The following CADPS2 variants were observed in gnomAD, a reference collection of about 807,000 sequenced individuals.
The protein encoded by CADPS2 is calcium-dependent secretion activator 2.
In CADPS2, 93 loss-of-function variants were observed where a neutral mutation model predicts 172.5. The ratio of observed to expected loss-of-function variants is 0.54; its 90% confidence interval spans 0.46 to 0.64. CADPS2 has a LOEUF of 0.64. Among genes scored for constraint, CADPS2 ranks in the 30% least tolerant of loss-of-function variants. The probability of loss-of-function intolerance (pLI) is 0.00; values close to 1 mark genes in which losing one functional copy is unlikely to be tolerated. For missense variants in CADPS2, 1,420 were observed against 1,565.9 expected, an observed-to-expected ratio of 0.91 and a Z score of 1.57; for synonymous variants, 546 against 555.2, an observed-to-expected ratio of 0.98 and a Z score of 0.23.
chr7:122,323,870 ATT>A (rs1350484430), intron 29 of CADPS2, among the ~76,000 whole-genome samples: 4 of 95,990 alleles, frequency 4.2e-5, no homozygotes, highest in Non-Finnish European at 6.4e-5. Flanking sequence ...ACATATGTAT[ATT>A]TTATATATAT....
rs1481657537 is a variant in CADPS2, at chr7:122,706,227, C to G, written c.453+30728G>C. On this transcript the variant is annotated intron_variant, in intron 2 of 29. Transcript: ENST00000449022. The stretch of plus-strand genomic sequence containing the variant: ...AGGAATACATATATGCTTATATATT[C>G]AAGGAATACATATATGCTTATATAT... Among the ~76,000 whole-genome samples the G allele has an allele frequency of 7.1e-5, 4 of 56,308 alleles. No homozygotes were observed. The East Asian group carries it at 1.9e-3, about 27-fold the overall frequency. 36.9% of individuals were successfully genotyped at this position (56,308 alleles called of 152,430 possible).
chr7:122,399,243 C>A (rs955304737), intron 20 of CADPS2, among the ~76,000 whole-genome samples: 3 of 152,140 alleles, frequency 2.0e-5, no homozygotes, highest in African/African-American at 7.2e-5. Flanking sequence ...TTGAGTTATA[C>A]TTCTACAATC....
At chr7:122,770,760 G>A (rs2093684845) in intron 1 of CADPS2, among the ~76,000 whole-genome samples, 1 of 152,204 alleles carries the variant, frequency 6.6e-6, no homozygotes, top group Non-Finnish European at 1.5e-5. Flanking sequence ...CCACAGGGCA[G>A]ATGTGGACAG....
chr7:122,544,327 T>C (rs1050475025), intron 8 of CADPS2, among the ~76,000 whole-genome samples: 1 of 152,056 alleles, frequency 6.6e-6, no homozygotes, highest in African/African-American at 2.4e-5. Context: ...GCTCCATGCA[T>C]TTGATGTATA....
At chr7:122,558,764 C>T (rs1429834498) in intron 7 of CADPS2, among the ~76,000 whole-genome samples, 1 of 152,130 alleles carries the variant, frequency 6.6e-6, no homozygotes, top group Non-Finnish European at 1.5e-5. Context: ...TATAAGCTGT[C>T]ACTTCTACAT....
chr7:122,768,105 T>C (rs2093608846), intron 1 of CADPS2, among the ~76,000 whole-genome samples: 1 of 152,150 alleles, frequency 6.6e-6, no homozygotes, highest in African/African-American at 2.4e-5. Flanking sequence ...AGCCAAACTT[T>C]CTCCTTAATA....
At chr7:122,768,523 T>C (rs947351979) in intron 1 of CADPS2, among the ~76,000 whole-genome samples, 7 of 152,176 alleles carry the variant, frequency 4.6e-5, no homozygotes, top group Admixed American at 3.9e-4. Flanking sequence ...CTACTGATCG[T>C]TCAGTAGTGA....
intron 6 of CADPS2, among the ~76,000 whole-genome samples, chr7:122,592,421 A>T (rs1278457676): frequency 2.6e-5 from 4 of 152,140 alleles, no homozygotes; most frequent in African/African-American, 7.2e-5. Context: ...ATTGTGGAAG[A>T]CAGTGTGGCA....
chr7:122,770,340 G>A (rs1220132317), intron 1 of CADPS2, among the ~76,000 whole-genome samples: 1 of 152,106 alleles, frequency 6.6e-6, no homozygotes, highest in Non-Finnish European at 1.5e-5. Context: ...TAGAAAATAT[G>A]AGGGACTAAG....
chr7:122,589,805 T>G (rs1341675436), intron 6 of CADPS2, among the ~76,000 whole-genome samples: 1 of 151,904 alleles, frequency 6.6e-6, no homozygotes, highest in African/African-American at 2.4e-5. Flanking sequence ...CTAATAATGA[T>G]AGTAGGGACT....
rs112402311 is a variant in CADPS2 at position 122,674,388 on chromosome 7, T to C, written c.454-10819A>G. Among the ~76,000 whole-genome samples, 670 of 152,328 alleles carry C rather than the reference T, an allele frequency of 4.4e-3. 3 individuals carry two copies. Among genetic ancestry groups the C allele is most frequent in the Non-Finnish European group, 6.0e-3 (409 of 68,028 alleles). On this transcript the variant is annotated intron_variant, in intron 2 of 29. Transcript: ENST00000449022. ...GCTAGCACTTTGTCACCTTTCACTA[T>C]GTATGTCACATTTGTCCACATTTCA...
intron 1 of CADPS2, among the ~76,000 whole-genome samples, chr7:122,820,047 G>A (rs1020606645): frequency 6.6e-6 from 1 of 152,138 alleles, no homozygotes; most frequent in Non-Finnish European, 1.5e-5. Flanking sequence ...AGCCTTACAA[G>A]TTAGTTCAGG....
At chr7:122,507,739 AAC>A (rs2059713449) in intron 9 of CADPS2, among the ~76,000 whole-genome samples, 1 of 152,174 alleles carries the variant, frequency 6.6e-6, no homozygotes, top group Non-Finnish European at 1.5e-5. Context: ...AAGCAGAGAG[AAC>A]AGCTAGGATG....
chr7:122,617,771 C>T (rs547389628), intron 5 of CADPS2, among the ~76,000 whole-genome samples: 15 of 152,292 alleles, frequency 9.8e-5, no homozygotes, highest in Admixed American at 2.0e-4. Context: ...AAGCCGGGCA[C>T]AGTGGCTCAC....
At chr7:122,717,748 C>T (rs1350864773) in intron 2 of CADPS2, among the ~76,000 whole-genome samples, 1 of 152,064 alleles carries the variant, frequency 6.6e-6, no homozygotes, top group Non-Finnish European at 1.5e-5. Flanking sequence ...AGTAAAATTC[C>T]TGTGCAGAAA....
At position 122,568,881 on chromosome 7, in the gene CADPS2, G is replaced by A. The variant is rs187316496; in HGVS notation, c.1335+12298C>T. Among the ~76,000 whole-genome samples the A allele has an allele frequency of 8.5e-4, 129 of 152,072 alleles. 1 individual carries two copies. Among genetic ancestry groups the A allele is most frequent in the African/African-American group, 2.9e-3 (120 of 41,524 alleles). ...TTTTTGTTCTTTGAAATATGATTAAGAGAATAACGAGAGCTATCTATGACA... is the reference window on the plus strand; with the variant it reads ...TTTTTGTTCTTTGAAATATGATTAAAAGAATAACGAGAGCTATCTATGACA... On this transcript the variant is annotated intron_variant, in intron 7 of 29. Transcript: ENST00000449022.
intron 2 of CADPS2, among the ~76,000 whole-genome samples, chr7:122,735,810 T>C (rs1241102511): frequency 1.3e-5 from 2 of 152,190 alleles, no homozygotes; most frequent in Non-Finnish European, 2.9e-5. Context: ...ATACAGACTT[T>C]TGGCTTTTCT....
chr7:122,350,894 G>C (rs1305081002), intron 27 of CADPS2, among the ~76,000 whole-genome samples: 4 of 152,088 alleles, frequency 2.6e-5, no homozygotes, highest in Admixed American at 2.0e-4. Flanking sequence ...TCTGAGGTGG[G>C]AGGCTGCGGT....
chr7:122,573,593 AAG>A (rs767347872), intron 7 of CADPS2, among the ~76,000 whole-genome samples: 3 of 152,146 alleles, frequency 2.0e-5, no homozygotes, highest in Non-Finnish European at 2.9e-5. Context: ...AACTGTCAGA[AAG>A]AATGTTTTCA....
Sources: allele counts gnomAD v4.1 joint callset (sites outside exome capture counted in the v4.1 genomes callset), GRCh38; gene constraint gnomAD v4.1.1; transcripts MANE v1.5; gene names NCBI Gene and HGNC (gene_info 2026-07-23, HGNC 2026-07-21).